NIN: variants seen among roughly 807,000 people sequenced by gnomAD.
The protein encoded by NIN is glycogen synthase kinase 3 beta-interacting protein.
A neutral mutation model predicts 257.6 loss-of-function variants in NIN; 137 were observed. The ratio of observed to expected loss-of-function variants is 0.53; its 90% CI spans 0.46 to 0.61. NIN has a LOEUF of 0.61. Among genes scored for constraint, NIN ranks in the 20% least tolerant of loss-of-function variants. The pLI is 0.00. For missense variants in NIN, 2,439 were observed against 2,501.2 expected (o/e 0.98, Z 0.53); for synonymous variants, 918 against 919.8 (o/e 1.00, Z 0.04).
intron 5 of NIN, among the ~76,000 whole-genome samples, chr14:50,782,809 T>C (rs1229493378): frequency 6.6e-6 from 1 of 152,208 alleles, no homozygotes; most frequent in East Asian, 1.9e-4. Flanking sequence ...TTATGACAGA[T>C]GAGGCGGTTT....
intron 17 of NIN, 138 bp from the exon 18 acceptor site, chr14:50,758,768 A>G (rs1485018163): frequency 1.1e-5 from 8 of 700,440 alleles, no homozygotes; most frequent in Admixed American, 3.6e-5. Context: ...ACTTACTCCT[A>G]TGTGATTCAT....
intron 5 of NIN, chr14:50,792,447 G>A: frequency 4.7e-6 from 2 of 428,450 alleles, no homozygotes; most frequent in South Asian, 7.3e-5. Flanking sequence ...GACCTCAGAT[G>A]ATGTGGAAAT....
chr14:50,816,556 G>A (rs1357630098), intron 3 of NIN, among the ~76,000 whole-genome samples: 1 of 152,110 alleles, frequency 6.6e-6, no homozygotes, highest in Non-Finnish European at 1.5e-5. Context: ...TTCAAATGCA[G>A]GGGCTGGGAA....
intron 27 of NIN, among the ~76,000 whole-genome samples, chr14:50,736,388 C>T (rs956467028): frequency 4.6e-5 from 7 of 152,044 alleles, no homozygotes. Context: ...CTGCCCACCT[C>T]GGCCTCCCAA....
chr14:50,829,894 C>T (rs2045622880), intron 2 of NIN, among the ~76,000 whole-genome samples: 1 of 152,178 alleles, frequency 6.6e-6, no homozygotes, highest in South Asian at 2.1e-4. Context: ...GAAGCCTAGC[C>T]GCTGGAAGCT....
At chr14:50,765,094 T>A (rs8017787) in intron 14 of NIN, among the ~76,000 whole-genome samples, 100,859 of 138,458 alleles carry the variant, frequency 0.73, 37,251 homozygotes, top group East Asian at 0.98. Context: ...AAAAAAAAAT[T>A]AGGCGTTTGG....
intron 3 of NIN, among the ~76,000 whole-genome samples, chr14:50,819,078 T>A (rs1235910035): frequency 6.6e-6 from 1 of 152,226 alleles, no homozygotes; most frequent in Non-Finnish European, 1.5e-5. Flanking sequence ...TTAAAAATTA[T>A]ATTCATTAAG....
chr14:50,814,232 G>C (rs1175431717), intron 3 of NIN, among the ~76,000 whole-genome samples: 1 of 152,192 alleles, frequency 6.6e-6, no homozygotes, highest in African/African-American at 2.4e-5. Context: ...AAGGAATCCT[G>C]TTTACAGATG....
Position 50,738,245 on chromosome 14 carries a change from T to A in NIN, c.5670A>T (p.Lys1890Asn). The A allele has an allele frequency of 1.2e-6, 2 of 1,613,096 alleles. No homozygotes were observed. The highest frequency in any genetic ancestry group is 1.7e-6 in the Non-Finnish European group (2 of 1,179,336). Reference sequence around the variant, plus strand: ...TCATGGTACCTGATGGGTTTAGATGTTTTTGGTGCTTGGGAAGAAGATTGG... The same window carrying A: ...TCATGGTACCTGATGGGTTTAGATGATTTTGGTGCTTGGGAAGAAGATTGG... ...LESNLLPKHQ[K>N]HLNPSGTMNP... Residue 1890 changes from lysine to asparagine, a missense_variant, in exon 27 of 31, where the codon AAA becomes AAT. Coordinates refer to ENST00000530997, the MANE Select transcript of NIN (RefSeq NM_020921.4).
chr14:50,822,211 C>T, intron 2 of NIN, 134 bp from the exon 3 acceptor site: 5 of 651,120 alleles, frequency 7.7e-6, no homozygotes, highest in Admixed American at 5.6e-5. Context: ...GTTTCTGATG[C>T]ACCCCACAGC....
intron 11 of NIN, 107 bp from the exon 12 acceptor site, chr14:50,770,669 T>C (rs540815466): frequency 2.9e-6 from 4 of 1,401,338 alleles, no homozygotes; most frequent in Non-Finnish European, 3.9e-6. Context: ...AGCACCTGGA[T>C]AAAATATCTA....
At chr14:50,737,810 A>G (rs2041068624) in intron 27 of NIN, among the ~76,000 whole-genome samples, 1 of 151,812 alleles carries the variant, frequency 6.6e-6, no homozygotes, top group South Asian at 2.1e-4. Flanking sequence ...ATGCCTGGCT[A>G]ATTTTTGTGT....
At chr14:50,820,277 T>A (rs1388859135) in intron 3 of NIN, among the ~76,000 whole-genome samples, 1 of 152,208 alleles carries the variant, frequency 6.6e-6, no homozygotes, top group African/African-American at 2.4e-5. Flanking sequence ...AATCAATCAA[T>A]AACTGCTCCC....
intron 2 of NIN, among the ~76,000 whole-genome samples, chr14:50,827,377 A>G (rs1223952364): frequency 6.6e-6 from 1 of 152,196 alleles, no homozygotes; most frequent in Non-Finnish European, 1.5e-5. Context: ...GCACAACAAT[A>G]TCACTGTGAA....
chr14:50,800,840 T>G (rs2044067744), intron 4 of NIN, among the ~76,000 whole-genome samples: 1 of 151,500 alleles, frequency 6.6e-6, no homozygotes, highest in Non-Finnish European at 1.5e-5. Flanking sequence ...TGGAGTGCAA[T>G]GGTGCAATCT....
At position 50,770,505 on chromosome 14, in the gene NIN, T is replaced by C. The variant is rs767330160; in HGVS notation, c.1317A>G (p.Lys439=). The change falls in exon 12 of 31, where the codon AAA becomes AAG. Residue 439 remains lysine, a synonymous_variant. Coordinates refer to ENST00000530997, the MANE Select transcript of NIN (RefSeq NM_020921.4). ...CCTGCTGCAGGATCTGCTCTCTCTC[T>C]TTTCGGAGTTCATTTTTTAAGGCTG... ...RIAALKNELR[K]EREQILQQAG... 1.5e-5 allele frequency: 24 copies of C among 1,614,212 alleles called. No individual in the cohort carries two copies. Among genetic ancestry groups the C allele is most frequent in the Non-Finnish European group, 1.9e-5 (23 of 1,180,032 alleles).
intron 18 of NIN, 114 bp from the exon 19 acceptor site, chr14:50,754,981 G>A: frequency 1.6e-6 from 1 of 635,604 alleles, no homozygotes. Context: ...AAAAAGAAAA[G>A]TCTAAATTAG....
chr14:50,822,544 C>G (rs1358900218), intron 2 of NIN, among the ~76,000 whole-genome samples: 1 of 152,230 alleles, frequency 6.6e-6, no homozygotes, highest in East Asian at 1.9e-4. Context: ...TCCATGCTAG[C>G]TGGCAAGCTT....
chr14:50,767,545 T>C (rs531496680), intron 12 of NIN, among the ~76,000 whole-genome samples: 17 of 152,154 alleles, frequency 1.1e-4, no homozygotes, highest in South Asian at 2.1e-4. Flanking sequence ...AGGCCAGGCA[T>C]AGTGGCTCAC....
Sources: allele counts gnomAD v4.1 joint callset (sites outside exome capture counted in the v4.1 genomes callset), GRCh38; gene constraint gnomAD v4.1.1; transcripts MANE v1.5; gene names NCBI Gene and HGNC (gene_info 2026-07-23, HGNC 2026-07-21).